Variants in HSPA12A observed in about 807,000 individuals in gnomAD.
HSPA12A encodes heat shock protein family A (Hsp70) member 12A, also known as heat shock 70 kDa protein 12A.
In HSPA12A, 28 loss-of-function variants were observed where a neutral mutation model predicts 69.2. The observed-to-expected ratio is 0.40, with a 90% CI of 0.30 to 0.55. The LOEUF (loss-of-function observed/expected upper bound fraction) is 0.55. HSPA12A is among the 20% of genes least tolerant of loss of function. The pLI, the probability that HSPA12A is intolerant of heterozygous loss-of-function variation, is 0.38. For synonymous variants in HSPA12A, 345 were observed against 370.5 expected (o/e 0.93, Z 0.79); for missense variants, 686 against 900.7 (o/e 0.76, Z 3.05).
intron 1 of HSPA12A, among the ~76,000 whole-genome samples, chr10:116,712,470 C>G (rs1554883226): frequency 6.6e-6 from 1 of 152,186 alleles, no homozygotes; most frequent in African/African-American, 2.4e-5. Flanking sequence ...GGTTAATCCT[C>G]ATCGCTGGTC....
chr10:116,699,720 G>A (rs1439450122), intron 4 of HSPA12A, among the ~76,000 whole-genome samples: 1 of 152,144 alleles, frequency 6.6e-6, no homozygotes, highest in Non-Finnish European at 1.5e-5. Flanking sequence ...CAGAAAGGTG[G>A]TCAAGTGCCA....
chr10:116,785,754 A>G (rs3095119), intron 2 of HSPA12A, among the ~76,000 whole-genome samples: 42,942 of 151,850 alleles, frequency 0.28, 7,138 homozygotes, highest in South Asian at 0.42. Context: ...CCTCCCTCCC[A>G]GGGAATGGTC....
At chr10:116,721,318 T>C (rs1850769139) in intron 1 of HSPA12A, among the ~76,000 whole-genome samples, 1 of 152,098 alleles carries the variant, frequency 6.6e-6, no homozygotes, top group South Asian at 2.1e-4. Flanking sequence ...TTGCTCAAAG[T>C]CTTTTCCCAA....
chr10:116,789,319 T>C, intron 2 of HSPA12A, among the ~76,000 whole-genome samples: 1 of 152,148 alleles, frequency 6.6e-6, no homozygotes, highest in East Asian at 1.9e-4. Context: ...TATATATGTA[T>C]TGATATATAG....
chr10:116,749,598 C>A (rs2133083535), intron 2 of HSPA12A, among the ~76,000 whole-genome samples: 1 of 152,298 alleles, frequency 6.6e-6, no homozygotes. Context: ...CATGGCAGGG[C>A]CTCAAGAAAC....
At chr10:116,803,446 C>T (rs1307209757) in intron 2 of HSPA12A, among the ~76,000 whole-genome samples, 1 of 152,168 alleles carries the variant, frequency 6.6e-6, no homozygotes, top group African/African-American at 2.4e-5. Context: ...CGGTATCTAA[C>T]CCCGCAGGCA....
chr10:116,711,671 T>TTC (rs1554883104), intron 1 of HSPA12A, among the ~76,000 whole-genome samples: 1 of 146,040 alleles, frequency 6.8e-6, no homozygotes, highest in Admixed American at 6.8e-5. Context: ...TTTTTTCTTT[T>TTC]TTTTTTTTTT....
intron 2 of HSPA12A, among the ~76,000 whole-genome samples, chr10:116,774,131 T>C (rs1239033518): frequency 2.0e-5 from 3 of 151,304 alleles, no homozygotes; most frequent in Non-Finnish European, 4.4e-5. Flanking sequence ...TGCCTCAGCC[T>C]CCCAAGTAGC....
chr10:116,849,552 C>T, intron 1 of HSPA12A: 9 of 1,526,170 alleles, frequency 5.9e-6, no homozygotes, highest in Non-Finnish European at 7.9e-6. Context: ...CCGCTGTAGC[C>T]TTAAATCTCC....
In HSPA12A at chr10:116,686,475, A is replaced by G. The variant is rs1435014066; in HGVS notation, c.664-2513T>C. Among the ~76,000 whole-genome samples the G allele has an allele frequency of 6.6e-6, 1 of 152,198 alleles. No homozygotes were observed. Among genetic ancestry groups the G allele is most frequent in the Non-Finnish European group, 1.5e-5 (1 of 68,050 alleles). ...TGTATACAATTCTCCTCCAAAGTTC[A>G]AACTTGAAAATAAACTGGGGATGGC... On this transcript the variant is annotated intron_variant, in intron 6 of 11. Coordinates refer to ENST00000369209, the MANE Select transcript of HSPA12A (RefSeq NM_025015.3). The surrounding 1 kb of genome is among the most constrained non-coding windows in gnomAD (Gnocchi z 4.1).
chr10:116,818,828 G>A (rs768368414), intron 2 of HSPA12A, among the ~76,000 whole-genome samples: 3 of 152,164 alleles, frequency 2.0e-5, no homozygotes, highest in Non-Finnish European at 4.4e-5. Context: ...GTCTTGGTAA[G>A]AATTTTAAAT....
intron 2 of HSPA12A, among the ~76,000 whole-genome samples, chr10:116,814,320 A>G (rs1016155321): frequency 2.0e-5 from 3 of 152,210 alleles, no homozygotes; most frequent in Non-Finnish European, 2.9e-5. Context: ...GGTCTGACAT[A>G]TAAGTGGAGT....
chr10:116,830,164 G>A (rs1564833943), intron 2 of HSPA12A: 1 of 152,134 alleles, frequency 6.6e-6, no homozygotes, highest in Non-Finnish European at 1.5e-5. Context: ...CCTCTAATGG[G>A]CTTTCTGACT....
intron 2 of HSPA12A, among the ~76,000 whole-genome samples, chr10:116,805,274 C>T (rs1282925220): frequency 4.6e-5 from 7 of 152,150 alleles, no homozygotes; most frequent in African/African-American, 1.7e-4. Context: ...CGAGATCGCG[C>T]CACTGCACTC....
rs899787186 is a variant in HSPA12A, at chr10:116,732,289, T to C, written c.40+10141A>G. On this transcript the variant is annotated intron_variant, in intron 1 of 11. Coordinates refer to ENST00000369209, the MANE Select transcript of HSPA12A (RefSeq NM_025015.3). ...AGGCTGCAGTGAGCCAAGATCACCCTACTGCACTCCAGCCTGGGTGACTCC... is the reference window on the plus strand; with the variant it reads ...AGGCTGCAGTGAGCCAAGATCACCCCACTGCACTCCAGCCTGGGTGACTCC... 6.0e-5 allele frequency among the ~76,000 whole-genome samples: 7 copies of C among 117,440 alleles called. 1 individual carries two copies. The highest frequency in any genetic ancestry group is 2.0e-4 in the African/African-American group (7 of 35,804). 77.0% of individuals were successfully genotyped at this position (117,440 alleles called of 152,430 possible). A position where few individuals can be genotyped will look rare whatever the true frequency, so the allele number is the denominator to read the frequency against.
chr10:116,791,159 T>C (rs901078913), intron 2 of HSPA12A, among the ~76,000 whole-genome samples: 14 of 152,178 alleles, frequency 9.2e-5, no homozygotes, highest in African/African-American at 3.4e-4. Flanking sequence ...GTGCAGGCCC[T>C]CCCTCCACAA....
intron 1 of HSPA12A, among the ~76,000 whole-genome samples, chr10:116,836,278 A>G (rs576551423): frequency 1.3e-5 from 2 of 152,162 alleles, no homozygotes; most frequent in African/African-American, 4.8e-5. Context: ...CTGTGGCCAC[A>G]ATGGGCTGCT....
intron 2 of HSPA12A, among the ~76,000 whole-genome samples, chr10:116,767,733 C>A (rs955176056): frequency 6.6e-5 from 10 of 152,222 alleles, no homozygotes; most frequent in African/African-American, 9.7e-5. Context: ...AAATCCCAGG[C>A]AAGAGACCCC....
intron 6 of HSPA12A, among the ~76,000 whole-genome samples, chr10:116,688,692 T>A (rs1403265139): frequency 6.6e-6 from 1 of 152,242 alleles, no homozygotes; most frequent in African/African-American, 2.4e-5. Context: ...CATTTCTCAC[T>A]GCAGCTTGTT....
Sources: gnomAD v4.1 joint callset for allele counts (sites outside exome capture counted in the v4.1 genomes callset) on GRCh38, gnomAD v4.1.1 for gene constraint, Gnocchi (gnomAD v3.1) non-coding constraint, MANE v1.5 for transcripts, NCBI Gene and HGNC (gene_info 2026-07-23, HGNC 2026-07-21) for gene names.